The following LRRC3B variants were observed in gnomAD, a reference collection of about 807,000 sequenced individuals.
LRRC3B encodes leucine-rich repeat-containing protein 3B.
Under a neutral mutation model 12.8 loss-of-function variants are expected in LRRC3B, and 2 were observed. The observed-to-expected ratio is 0.16, with a 90% CI of 0.06 to 0.49. The LOEUF (loss-of-function observed/expected upper bound fraction) is 0.49. Ranked by LOEUF, LRRC3B falls within the 20% of genes least tolerant of loss-of-function variation. The pLI, the probability that LRRC3B is intolerant of heterozygous loss-of-function variation, is 0.96. For missense variants in LRRC3B, 189 were observed against 319.4 expected (o/e 0.59, Z 3.11); for synonymous variants, 132 against 122.0 (o/e 1.08, Z -0.54).
chr3:26,647,949 A>C (rs1699187080), intron 1 of LRRC3B, among the ~76,000 whole-genome samples: 1 of 152,168 alleles, frequency 6.6e-6, no homozygotes, highest in African/African-American at 2.4e-5. Flanking sequence ...AGGAGGCAGA[A>C]ATCTATGCAG....
chr3:26,643,723 C>T (rs1428243754), intron 1 of LRRC3B, among the ~76,000 whole-genome samples: 1 of 152,140 alleles, frequency 6.6e-6, no homozygotes, highest in Admixed American at 6.5e-5. Context: ...TCAATCTTGT[C>T]TGTTGAATGA....
chr3:26,660,406 A>T lies in LRRC3B; in HGVS notation c.-161+37169A>T, dbSNP rs144219318. 4.8e-3 allele frequency among the ~76,000 whole-genome samples: 732 copies of T among 152,342 alleles called. 4 individuals carry two copies. Among genetic ancestry groups the T allele is most frequent in the African/African-American group, 0.016 (681 of 41,568 alleles). ...AGAGTAAATGTTAGGGTTAGATATAATTAAGTCTCTTAAATAAATTATCAA... is the reference window on the plus strand; with the variant it reads ...AGAGTAAATGTTAGGGTTAGATATATTTAAGTCTCTTAAATAAATTATCAA... On this transcript the variant is annotated intron_variant, in intron 1 of 1. Transcript: ENST00000396641.
chr3:26,675,623 A>G (rs1280735041), intron 1 of LRRC3B, among the ~76,000 whole-genome samples: 9 of 152,198 alleles, frequency 5.9e-5, no homozygotes, highest in Non-Finnish European at 1.5e-5. Context: ...GTTAATTGGA[A>G]TAACCAACTG....
chr3:26,669,465 A>G (rs1699675446), intron 1 of LRRC3B, among the ~76,000 whole-genome samples: 1 of 152,202 alleles, frequency 6.6e-6, no homozygotes, highest in Non-Finnish European at 1.5e-5. Context: ...TTCAAGCAAA[A>G]ATATTGTCTA....
At chr3:26,710,211 A>G in exon 2 of LRRC3B, 1 of 1,613,810 alleles carries the variant, frequency 6.2e-7, no homozygotes. Flanking sequence ...TTGGATGAAC[A>G]TGCTGGCAGA....
chr3:26,661,489 A>G (rs4973800), intron 1 of LRRC3B, among the ~76,000 whole-genome samples: 103,806 of 152,032 alleles, frequency 0.68, 35,779 homozygotes, highest in Admixed American at 0.76. Context: ...TCATCATACT[A>G]TATGGGTAAT....
At chr3:26,678,935 C>G (rs899916581) in intron 1 of LRRC3B, among the ~76,000 whole-genome samples, 1 of 152,076 alleles carries the variant, frequency 6.6e-6, no homozygotes, top group African/African-American at 2.4e-5. Context: ...CTCAGATCTT[C>G]CAGGAGTATT....
chr3:26,681,995 CAAT>C (rs1322559788), intron 1 of LRRC3B, among the ~76,000 whole-genome samples: 16 of 151,530 alleles, frequency 1.1e-4, no homozygotes, highest in African/African-American at 3.9e-4. Context: ...AAATTAGACA[CAAT>C]AAGATATTAA....
chr3:26,653,606 C>T (rs1486760594), intron 1 of LRRC3B, among the ~76,000 whole-genome samples: 3 of 151,974 alleles, frequency 2.0e-5, no homozygotes, highest in Non-Finnish European at 4.4e-5. Context: ...TGACAATGTC[C>T]TTTAAAAAAC....
At chr3:26,647,355 A>AT (rs1385386657) in intron 1 of LRRC3B, among the ~76,000 whole-genome samples, 4 of 152,022 alleles carry the variant, frequency 2.6e-5, no homozygotes, top group Non-Finnish European at 4.4e-5. Flanking sequence ...GGGAGCAGAG[A>AT]CCGTAGCTTT....
chr3:26,709,861 T>A, exon 2 of LRRC3B: 9 of 1,614,124 alleles, frequency 5.6e-6, no homozygotes, highest in Non-Finnish European at 7.6e-6. Flanking sequence ...GAGATCTTCC[T>A]CCTGAAACAG....
At chr3:26,674,842 GC>G (rs201499812) in intron 1 of LRRC3B, among the ~76,000 whole-genome samples, 5,820 of 152,170 alleles carry the variant, frequency 0.038, 367 homozygotes, top group African/African-American at 0.13. Flanking sequence ...CAGTGAGGTT[GC>G]CCGGCCTAAT....
chr3:26,678,269 G>A (rs1699902616), intron 1 of LRRC3B, among the ~76,000 whole-genome samples: 1 of 151,908 alleles, frequency 6.6e-6, no homozygotes, highest in Non-Finnish European at 1.5e-5. Context: ...TGAGGTGGGT[G>A]GATCACATGA....
At chr3:26,691,412 G>T (rs1700192246) in intron 1 of LRRC3B, among the ~76,000 whole-genome samples, 1 of 151,940 alleles carries the variant, frequency 6.6e-6, no homozygotes, top group Non-Finnish European at 1.5e-5. Flanking sequence ...GTTTTGAAAT[G>T]ATTCTTGAAA....
intron 1 of LRRC3B, among the ~76,000 whole-genome samples, chr3:26,646,540 C>T (rs1699147530): frequency 6.9e-6 from 1 of 145,322 alleles, no homozygotes; most frequent in East Asian, 2.2e-4. Context: ...TGAATTTACC[C>T]CAGAGTGTAG....
chr3:26,679,076 A>G (rs1392161632), intron 1 of LRRC3B, among the ~76,000 whole-genome samples: 1 of 152,208 alleles, frequency 6.6e-6, no homozygotes, highest in Non-Finnish European at 1.5e-5. Flanking sequence ...GCCATAACCT[A>G]GACAGCTAGA....
At chr3:26,665,772 G>T (rs963307272) in intron 1 of LRRC3B, among the ~76,000 whole-genome samples, 1 of 152,066 alleles carries the variant, frequency 6.6e-6, no homozygotes, top group Non-Finnish European at 1.5e-5. Flanking sequence ...CTAAAAGAAA[G>T]TTTTCTTCAC....
At chr3:26,643,070 C>T (rs1036636623) in intron 1 of LRRC3B, among the ~76,000 whole-genome samples, 9 of 151,548 alleles carry the variant, frequency 5.9e-5, no homozygotes, top group Non-Finnish European at 1.2e-4. Flanking sequence ...GTTTAGTCTG[C>T]GATGTTCACA....
intron 1 of LRRC3B, among the ~76,000 whole-genome samples, chr3:26,639,693 G>A (rs4973798): frequency 0.59 from 89,692 of 151,914 alleles, 26,807 homozygotes; most frequent in East Asian, 0.79. Context: ...GAGGAATTCA[G>A]AAGCACCGTG....
Sources: allele counts gnomAD v4.1 joint callset (sites outside exome capture counted in the v4.1 genomes callset), GRCh38; gene constraint gnomAD v4.1.1; transcripts MANE v1.5; gene names NCBI Gene and HGNC (gene_info 2026-07-23, HGNC 2026-07-21).